NLRP7: variants seen among roughly 807,000 people sequenced by gnomAD.
The protein encoded by NLRP7 is NACHT, LRR and PYD domains-containing protein 7.
Under a neutral mutation model 85.5 loss-of-function variants are expected in NLRP7, and 72 were observed. The ratio of observed to expected loss-of-function variants is 0.84; its 90% CI spans 0.70 to 1.02. NLRP7 has a LOEUF of 1.02. Among genes scored for constraint, NLRP7 ranks in the 50% least tolerant of loss-of-function variants. The pLI is 0.00. For missense variants in NLRP7, 1,243 were observed against 1,219.5 expected (o/e 1.02, Z -0.29); for synonymous variants, 550 against 505.2 (o/e 1.09, Z -1.19).
intron 1 of NLRP7, among the ~76,000 whole-genome samples, chr19:54,958,226 G>A (rs1466644268): frequency 6.6e-6 from 1 of 152,086 alleles, no homozygotes; most frequent in South Asian, 2.1e-4. Context: ...GACAGAGAGG[G>A]ACAGGGAAAG....
upstream of NLRP7, among the ~76,000 whole-genome samples, chr19:54,950,154 G>C (rs1053210066): frequency 6.6e-6 from 1 of 150,970 alleles, no homozygotes; most frequent in African/African-American, 2.4e-5. Flanking sequence ...TGGTGAACCC[G>C]GGTGCATTCG....
At chr19:54,923,781 A>G in exon 10 of NLRP7, 1 of 1,613,962 alleles carries the variant, frequency 6.2e-7, no homozygotes, top group Non-Finnish European at 8.5e-7. Context: ...GTTGCCCCGG[A>G]AGCATTGCAA....
intron 1 of NLRP7, among the ~76,000 whole-genome samples, chr19:54,946,982 G>A (rs1003131677): frequency 2.6e-5 from 4 of 151,866 alleles, no homozygotes; most frequent in African/African-American, 9.7e-5. Flanking sequence ...TGTTGCCCAG[G>A]CTAGTCTCAA....
At chr19:54,939,050 G>C (rs140113761) in exon 4 of NLRP7, 26 of 1,614,062 alleles carry the variant, frequency 1.6e-5, no homozygotes, top group East Asian at 2.2e-5. Context: ...TTCCTTGAAC[G>C]GGGCCACCAC....
intron 9 of NLRP7, among the ~76,000 whole-genome samples, chr19:54,927,295 C>T (rs1251484092): frequency 2.0e-5 from 3 of 151,180 alleles, no homozygotes; most frequent in Non-Finnish European, 4.4e-5. Flanking sequence ...GTGGGAGAAT[C>T]GCTTGAACCC....
intron 1 of NLRP7, among the ~76,000 whole-genome samples, chr19:54,956,760 A>G (rs1602235839): frequency 6.6e-6 from 1 of 150,890 alleles, no homozygotes; most frequent in African/African-American, 2.4e-5. Flanking sequence ...AGGCCGAGGC[A>G]GGTGGATCAC....
At chr19:54,925,705 A>G (rs1216188611) in intron 9 of NLRP7, among the ~76,000 whole-genome samples, 1 of 152,150 alleles carries the variant, frequency 6.6e-6, no homozygotes, top group East Asian at 1.9e-4. Flanking sequence ...TTACGTTAAA[A>G]TAAGTCACTG....
At chr19:54,925,715 G>A (rs1379068704) in intron 9 of NLRP7, among the ~76,000 whole-genome samples, 1 of 152,018 alleles carries the variant, frequency 6.6e-6, no homozygotes, top group African/African-American at 2.4e-5. Context: ...ATAAGTCACT[G>A]AGGCCGGGCG....
intron 1 of NLRP7, among the ~76,000 whole-genome samples, chr19:54,942,143 C>G (rs10421098): frequency 6.6e-6 from 1 of 150,480 alleles, no homozygotes; most frequent in African/African-American, 2.4e-5. Context: ...GTAGTCCCAG[C>G]TACTCGGGAG....
Position 54,940,131 on chromosome 19 carries a change from CT to C in NLRP7, c.687del (p.Asp230ThrfsTer13). On this transcript the variant is annotated frameshift_variant, in exon 4 of 10. Coordinates refer to ENST00000340844, the Ensembl canonical transcript of NLRP7. LOFTEE classifies it high-confidence loss of function. ...ATGTCATCCTGCAATTCAGGCCAGT[CT>C]TTGGAGATCAGCTCTGCAAAACTGC... 1 of 1,614,214 alleles carries C rather than the reference CT, an allele frequency of 6.2e-7. No homozygotes were observed. The highest frequency in any genetic ancestry group is 8.5e-7 in the Non-Finnish European group (1 of 1,180,036).
intron 1 of NLRP7, among the ~76,000 whole-genome samples, chr19:54,942,585 G>GTGGCGGA (rs2069283055): frequency 3.3e-5 from 5 of 152,076 alleles, no homozygotes; most frequent in South Asian, 2.1e-4. Context: ...TTACAGGCGG[G>GTGGCGGA]TGCCTGTAAT....
chr19:54,963,023 C>T (rs1162695022), intron 1 of NLRP7, among the ~76,000 whole-genome samples: 1 of 152,162 alleles, frequency 6.6e-6, no homozygotes, highest in Non-Finnish European at 1.5e-5. Context: ...TATGCCTTGC[C>T]TTCATTTTCT....
chr19:54,926,768 T>C (rs2068455465), intron 9 of NLRP7, among the ~76,000 whole-genome samples: 1 of 150,616 alleles, frequency 6.6e-6, no homozygotes, highest in African/African-American at 2.4e-5. Context: ...ATACAAAAAT[T>C]AGCTGGGTGT....
intron 8 of NLRP7, among the ~76,000 whole-genome samples, chr19:54,933,199 G>A (rs1341599429): frequency 6.6e-6 from 1 of 152,116 alleles, no homozygotes; most frequent in African/African-American, 2.4e-5. Flanking sequence ...AGGCTGGAGT[G>A]CAGTGGTGCG....
chr19:54,946,956 T>C (rs1318144315), intron 1 of NLRP7, among the ~76,000 whole-genome samples: 1 of 152,066 alleles, frequency 6.6e-6, no homozygotes, highest in Non-Finnish European at 1.5e-5. Flanking sequence ...TTTTTTGTAA[T>C]GACAGAGTTT....
intron 9 of NLRP7, among the ~76,000 whole-genome samples, chr19:54,928,927 C>A (rs767776556): frequency 6.6e-6 from 1 of 151,906 alleles, no homozygotes; most frequent in Non-Finnish European, 1.5e-5. Context: ...CCCAGCCTCC[C>A]GAGAATCTAG....
At chr19:54,954,030 A>AAGGGCAACCGAGGCCAGACGTGGTGGCT (rs1395778675) in intron 1 of NLRP7, among the ~76,000 whole-genome samples, 9 of 148,986 alleles carry the variant, frequency 6.0e-5, no homozygotes, top group African/African-American at 1.7e-4. Flanking sequence ...ATAAATAAAA[A>AAGGGCAACCGAGGCCAGACGTGGTGGCT]TAAATAAAGC....
exon 6 of NLRP7, chr19:54,936,293 G>A: frequency 1.2e-6 from 2 of 1,613,852 alleles, no homozygotes; most frequent in South Asian, 1.1e-5. Context: ...TATGATTTCT[G>A]AGCAGGTCAC....
chr19:54,927,615 T>C (rs1030127927), intron 9 of NLRP7: 3 of 1,613,886 alleles, frequency 1.9e-6, no homozygotes, highest in Non-Finnish European at 2.5e-6. Context: ...CTGAGTATCT[T>C]CAAGGATCCA....
Sources: gnomAD v4.1 joint callset for allele counts (sites outside exome capture counted in the v4.1 genomes callset) on GRCh38, gnomAD v4.1.1 for gene constraint, MANE v1.5 for transcripts, NCBI Gene and HGNC (gene_info 2026-07-23, HGNC 2026-07-21) for gene names.